Variants in CUBN observed in about 807,000 individuals in gnomAD.
The protein encoded by CUBN is cubilin.
A neutral mutation model predicts 405.3 loss-of-function variants in CUBN; 282 were observed. That is an observed-to-expected ratio of 0.70 (90% confidence interval 0.63 to 0.77). CUBN has a LOEUF of 0.77. CUBN is among the 30% of genes least tolerant of loss of function. CUBN has a pLI of 0.00. For synonymous variants in CUBN, 1,684 were observed against 1,617.0 expected (o/e 1.04, Z -0.99); for missense variants, 4,514 against 4,475.2 (o/e 1.01, Z -0.25).
In CUBN at chr10:16,890,487, G is replaced by A. The variant is rs755904383; in HGVS notation, c.8639C>T (p.Ala2880Val). 5.0e-6 allele frequency: 8 copies of A among 1,614,152 alleles called. No individual in the cohort carries two copies. The Admixed American group carries it at 5.0e-5, about 10-fold the overall frequency. The change falls in exon 55 of 67, where the codon GCC (alanine) becomes GTC (valine). Residue 2880 changes from alanine to valine, a missense_variant. Physicochemically the swap from Ala to Val is moderately conservative, Grantham distance 64 (BLOSUM62 0). Transcript: ENST00000377833. ...GTEEVDKALL[A>V]TGCGNVAPGP... ...CGGAGCCACGTTCCCACAGCCAGTG[G>A]CTAGCAGGGCTTTGTCCACCTCCTC...
intron 59 of CUBN, among the ~76,000 whole-genome samples, chr10:16,868,694 T>C (rs1840257191): frequency 6.6e-6 from 1 of 152,212 alleles, no homozygotes; most frequent in Non-Finnish European, 1.5e-5. Context: ...TTGATGTGGA[T>C]AATTTATTTC....
intron 38 of CUBN, among the ~76,000 whole-genome samples, 174 bp downstream of exon 38, chr10:16,938,789 C>T (rs1842583069): frequency 6.6e-6 from 1 of 151,932 alleles, no homozygotes; most frequent in Non-Finnish European, 1.5e-5. Flanking sequence ...ATAATAAATA[C>T]AATACTGAAA....
intron 59 of CUBN, among the ~76,000 whole-genome samples, chr10:16,865,601 T>C (rs2131361192): frequency 6.6e-6 from 1 of 152,144 alleles, no homozygotes; most frequent in East Asian, 1.9e-4. Flanking sequence ...CAGCGCTCTG[T>C]AGCTAGCAAG....
chr10:16,874,249 C>T (rs1840439432), intron 58 of CUBN, 125 bp downstream of exon 58: 1 of 1,021,786 alleles, frequency 9.8e-7, no homozygotes, highest in Non-Finnish European at 1.5e-6. Flanking sequence ...AGGAACATCA[C>T]TCCTCTGTGT....
chr10:17,066,627 G>A (rs1835618812), intron 21 of CUBN, among the ~76,000 whole-genome samples: 1 of 151,992 alleles, frequency 6.6e-6, no homozygotes, highest in Non-Finnish European at 1.5e-5. Flanking sequence ...GAAATTTGGG[G>A]AAGATCATTA....
At chr10:16,934,109 T>C (rs1459501315) in intron 39 of CUBN, among the ~76,000 whole-genome samples, 1 of 152,140 alleles carries the variant, frequency 6.6e-6, no homozygotes, top group Non-Finnish European at 1.5e-5. Flanking sequence ...TTTTCACAGC[T>C]ACTGTGGTCA....
chr10:17,062,158 C>G (rs1029135438), intron 22 of CUBN, among the ~76,000 whole-genome samples: 1 of 152,100 alleles, frequency 6.6e-6, no homozygotes, highest in Non-Finnish European at 1.5e-5. Flanking sequence ...CCTTTCTATC[C>G]TACTCCATAC....
chr10:16,989,827 G>C (rs957439950), intron 29 of CUBN, among the ~76,000 whole-genome samples: 1 of 152,202 alleles, frequency 6.6e-6, no homozygotes, highest in Non-Finnish European at 1.5e-5. Flanking sequence ...CGGCAGCCCT[G>C]GTAGGCCATC....
chr10:16,971,089 A>G (rs550203020), intron 31 of CUBN, among the ~76,000 whole-genome samples: 257 of 152,332 alleles, frequency 1.7e-3, no homozygotes, highest in African/African-American at 5.9e-3. Context: ...TAAAGAGTAC[A>G]CTTGAACTCT....
rs144626884 is a variant in CUBN, at chr10:16,906,278, T to C, written c.7837A>G (p.Ile2613Val). Residue 2613 changes from isoleucine (I) to valine (V), a missense_variant, in exon 50 of 67, where the codon ATT (isoleucine) becomes GTT (valine). This residue lies in a region of CUBN where 1,613 missense variants were observed against 1,542.8 expected (regional missense o/e 1.05). Transcript: ENST00000377833. ...TAAAAATCTTCAAAGTGAATGGAAA[T>C]GGATGAATTTCCCTGATTTGGATTG... The part of the protein sequence containing the change: ...LSNPNQGNSS[I>V]SIHFEDFYLE... The C allele has an allele frequency of 6.2e-7, 1 of 1,613,974 alleles. No individual in the cohort carries two copies. Among genetic ancestry groups the C allele is most frequent in the Non-Finnish European group, 8.5e-7 (1 of 1,179,958 alleles).
At chr10:17,085,264 C>T (rs908956037) in intron 16 of CUBN, among the ~76,000 whole-genome samples, 1 of 152,170 alleles carries the variant, frequency 6.6e-6, no homozygotes, top group African/African-American at 2.4e-5. Context: ...TCCAGAGAGA[C>T]TGCACTGCTC....
At chr10:17,123,710 T>C in intron 4 of CUBN, 21 bp from the exon 5 acceptor site, 1 of 1,565,998 alleles carries the variant, frequency 6.4e-7, no homozygotes, top group South Asian at 1.1e-5. Context: ...AACAGGACAG[T>C]CAATGAGATG....
Position 17,065,520 on chromosome 10 carries a change from T to C in CUBN, c.3127A>G (p.Ser1043Gly). ...GCTGTTTTGTTACCTGTTGCTGCAC[T>C]GATTGCTTCATAGTTTATTAAGAAG... Reference protein sequence around the residue: ...EGFLINYEAISAATACLQDYT... With the variant: ...EGFLINYEAIGAATACLQDYT... Residue 1043 changes from serine to glycine, a missense_variant, in exon 22 of 67, where the codon AGT becomes GGT. Coordinates refer to ENST00000377833, the MANE Select transcript of CUBN (RefSeq NM_001081.4). 1.9e-6 allele frequency: 3 copies of C among 1,613,390 alleles called. No homozygotes were observed. Among genetic ancestry groups the C allele is most frequent in the Non-Finnish European group, 2.5e-6 (3 of 1,179,420 alleles).
chr10:17,104,685 T>C (rs1286635000), intron 11 of CUBN, 80 bp from the exon 12 acceptor site: 4 of 761,604 alleles, frequency 5.3e-6, no homozygotes, highest in Non-Finnish European at 9.1e-6. Flanking sequence ...AATAGGAATG[T>C]AGTGCCATGG....
At position 16,898,974 on chromosome 10, in the gene CUBN, T is replaced by C. The variant is rs770256837; in HGVS notation, c.8598+22A>G. The C allele has an allele frequency of 8.3e-6, 13 of 1,561,500 alleles. No homozygotes were observed. The Admixed American group carries it at 2.2e-4, about 26-fold the overall frequency. Reference sequence around the variant, plus strand: ...GTTCACAAAACCAACTTGGCTCCAATTAAATGAACAAGTGTACTAACCTTC... The same window carrying C: ...GTTCACAAAACCAACTTGGCTCCAACTAAATGAACAAGTGTACTAACCTTC... On this transcript the variant is annotated intron_variant, in intron 54 of 66. Transcript: ENST00000377833.
At chr10:17,083,516 A>AATAAATACATACATACATAC (rs59957943) in intron 17 of CUBN, among the ~76,000 whole-genome samples, 56,781 of 142,360 alleles carry the variant, frequency 0.4, 12,505 homozygotes, top group Middle Eastern at 0.58. Context: ...AAAATAAATA[A>AATAAATACATACATACATAC]ATACATACAT....
intron 31 of CUBN, among the ~76,000 whole-genome samples, chr10:16,969,176 A>G (rs1398431): frequency 0.86 from 130,633 of 152,238 alleles, 56,432 homozygotes; most frequent in Non-Finnish European, 0.91. Context: ...GCACATTCCC[A>G]ATGGTGTCCT....
chr10:16,941,448 T>C (rs1213235010), intron 36 of CUBN, among the ~76,000 whole-genome samples: 1 of 152,176 alleles, frequency 6.6e-6, no homozygotes, highest in Non-Finnish European at 1.5e-5. Flanking sequence ...GACCTTGGGA[T>C]GGGCAAATAT....
intron 48 of CUBN, among the ~76,000 whole-genome samples, chr10:16,911,166 T>A (rs1377475538): frequency 6.6e-6 from 1 of 152,128 alleles, no homozygotes; most frequent in Non-Finnish European, 1.5e-5. Context: ...TGTGGACGAA[T>A]TGGTGATCAA....
Sources: gnomAD v4.1 joint callset for allele counts (sites outside exome capture counted in the v4.1 genomes callset) on GRCh38, gnomAD v4.1.1 for gene constraint, gnomAD v4.1.1 regional missense constraint, MANE v1.5 for transcripts, NCBI Gene and HGNC (gene_info 2026-07-23, HGNC 2026-07-21) for gene names.